Variants in ATP6V0A2 observed in about 807,000 individuals in gnomAD.
The protein encoded by ATP6V0A2 is V-type proton ATPase 116 kDa subunit a 2.
ATP6V0A2 carries 58 observed loss-of-function variants against 104.4 expected under a neutral mutation model. The ratio of observed to expected loss-of-function variants is 0.56; its 90% CI spans 0.45 to 0.69. The LOEUF (loss-of-function observed/expected upper bound fraction) is 0.69, where lower values mean the gene tolerates loss of function less well. Among genes scored for constraint, ATP6V0A2 ranks in the 30% least tolerant of loss-of-function variants. ATP6V0A2 has a pLI of 0.00. For missense variants in ATP6V0A2, 938 were observed against 1,062.9 expected, an observed-to-expected ratio of 0.88 and a Z score of 1.63; for synonymous variants, 376 against 397.9, an observed-to-expected ratio of 0.95 and a Z score of 0.65.
intron 6 of ATP6V0A2, among the ~76,000 whole-genome samples, chr12:123,728,395 CT>C (rs34247373): frequency 8.9e-4 from 111 of 124,476 alleles, no homozygotes; most frequent in African/African-American, 8.1e-4. Context: ...CCTCACCTGG[CT>C]TTTTTTTTTT....
Position 123,743,953 on chromosome 12 carries a change from T to C in ATP6V0A2, c.1189+18T>C, listed in dbSNP as rs1956634877. ...CAATCCAGGTTGGAAGTCTGATTTG[T>C]AAATACCCGTATTTCCAATGGCATT... On this transcript the variant is annotated intron_variant, in intron 10 of 19. Coordinates refer to ENST00000330342, the MANE Select transcript of ATP6V0A2 (RefSeq NM_012463.4). The C allele has an allele frequency of 6.2e-7, 1 of 1,613,836 alleles. No individual in the cohort carries two copies. The highest frequency in any genetic ancestry group is 1.7e-5 in the Admixed American group (1 of 60,026).
At chr12:123,739,259 G>A (rs114395265) in intron 9 of ATP6V0A2, among the ~76,000 whole-genome samples, 297 of 152,304 alleles carry the variant, frequency 2.0e-3, no homozygotes, top group African/African-American at 6.5e-3. Context: ...TTCGTTTCCC[G>A]TCAAGGGTAC....
At chr12:123,729,932 A>C (rs1956484911) in intron 6 of ATP6V0A2, among the ~76,000 whole-genome samples, 1 of 151,740 alleles carries the variant, frequency 6.6e-6, no homozygotes, top group South Asian at 2.1e-4. Context: ...CTCCTGTCTC[A>C]GCCTCCCGAG....
chr12:123,741,848 C>T (rs913746436), intron 9 of ATP6V0A2, among the ~76,000 whole-genome samples: 1 of 152,154 alleles, frequency 6.6e-6, no homozygotes, highest in East Asian at 1.9e-4. Flanking sequence ...GTTTATGGTA[C>T]TCAAGGAACT....
intron 9 of ATP6V0A2, among the ~76,000 whole-genome samples, chr12:123,742,123 G>A (rs111260541): frequency 0.02 from 3,094 of 152,330 alleles, 47 homozygotes; most frequent in African/African-American, 0.034. Flanking sequence ...GGACTGGGCT[G>A]CCCTGCCCCA....
chr12:123,723,933 A>G (rs547529819), intron 3 of ATP6V0A2: 1 of 152,300 alleles, frequency 6.6e-6, no homozygotes, highest in South Asian at 2.1e-4. Context: ...ATGAATAAGC[A>G]GACAAAGGAA....
chr12:123,754,570 G>C, intron 18 of ATP6V0A2, 33 bp downstream of exon 18: 2 of 1,450,038 alleles, frequency 1.4e-6, no homozygotes, highest in Non-Finnish European at 1.9e-6. Context: ...AGTTCCCAAT[G>C]CCCTGTAGTG....
At position 123,744,623 on chromosome 12, in the gene ATP6V0A2, G is replaced by T; in HGVS notation, c.1353G>T (p.Arg451=). The T allele has an allele frequency of 1.2e-6, 2 of 1,613,428 alleles. No individual in the cohort carries two copies. The highest frequency in any genetic ancestry group is 1.7e-6 in the Non-Finnish European group (2 of 1,180,014). The change falls in exon 12 of 20, where the codon CGG becomes CGT. Residue 451 remains arginine, a synonymous_variant. Coordinates refer to ENST00000330342, the MANE Select transcript of ATP6V0A2 (RefSeq NM_012463.4). The surrounding 1 kb of genome is among the most constrained non-coding windows in gnomAD (Gnocchi z 5.4). ...QEIMRMFFNG[R]YILLLMGLFS... ...TCATGAGGATGTTTTTTAATGGCCG[G>T]TACATCCTCCTGCTGATGGGGCTGT...
At chr12:123,752,869 A>G (rs932570148) in intron 17 of ATP6V0A2, among the ~76,000 whole-genome samples, 1 of 151,978 alleles carries the variant, frequency 6.6e-6, no homozygotes, top group African/African-American at 2.4e-5. Flanking sequence ...TTTTCTTTGT[A>G]AGTTTTCTTT....
At chr12:123,728,652 G>GGGTTTC (rs1956470825) in intron 6 of ATP6V0A2, among the ~76,000 whole-genome samples, 1 of 152,194 alleles carries the variant, frequency 6.6e-6, no homozygotes, top group East Asian at 1.9e-4. Flanking sequence ...CTCTGGGTTT[G>GGGTTTC]GGTTTCTCAG....
At chr12:123,735,297 AGGGCAGGAGT>A (rs1956541499) in intron 7 of ATP6V0A2, among the ~76,000 whole-genome samples, 1 of 152,104 alleles carries the variant, frequency 6.6e-6, no homozygotes, top group South Asian at 2.1e-4. Flanking sequence ...GGAATCATTG[AGGGCAGGAGT>A]GGAATTTGGA....
chr12:123,722,194 A>G (rs562248939), intron 2 of ATP6V0A2, among the ~76,000 whole-genome samples, 157 bp from the exon 3 acceptor site: 172 of 152,252 alleles, frequency 1.1e-3, no homozygotes, highest in African/African-American at 3.9e-3. Flanking sequence ...CAAGGTTGCA[A>G]AAAGTGACCA....
chr12:123,717,609 T>C (rs1265449800), intron 1 of ATP6V0A2, among the ~76,000 whole-genome samples: 1 of 151,932 alleles, frequency 6.6e-6, no homozygotes, highest in Non-Finnish European at 1.5e-5. Context: ...CAGGCCTGGC[T>C]AATTTTTTAT....
intron 18 of ATP6V0A2, chr12:123,756,468 A>T (rs1343676974): frequency 1.1e-5 from 3 of 264,860 alleles, no homozygotes; most frequent in Non-Finnish European, 2.2e-5. Flanking sequence ...ACTCATGGTC[A>T]TCCAGTTGAT....
chr12:123,738,036 G>C (rs188240674), intron 9 of ATP6V0A2, among the ~76,000 whole-genome samples: 1 of 152,178 alleles, frequency 6.6e-6, no homozygotes, highest in Admixed American at 6.5e-5. Context: ...TGGAATTACT[G>C]GACTGATTTT....
intron 14 of ATP6V0A2, 57 bp downstream of exon 14, chr12:123,747,782 AT>A: frequency 1.7e-6 from 2 of 1,190,422 alleles, no homozygotes; most frequent in Non-Finnish European, 2.5e-6. Context: ...CATTTCTTCA[AT>A]TTTGCTTCTT....
intron 9 of ATP6V0A2, among the ~76,000 whole-genome samples, chr12:123,738,254 T>C (rs911789241): frequency 1.3e-5 from 2 of 152,150 alleles, no homozygotes; most frequent in African/African-American, 4.8e-5. Context: ...AATACAAAAT[T>C]AGCTGGGCGG....
At chr12:123,751,833 C>A (rs1956717353) in intron 16 of ATP6V0A2, among the ~76,000 whole-genome samples, 1 of 148,680 alleles carries the variant, frequency 6.7e-6, no homozygotes, top group South Asian at 2.2e-4. Flanking sequence ...TTAAGATTTT[C>A]TTTTTTCTTT....
At chr12:123,714,751 A>C (rs763955021) in intron 1 of ATP6V0A2, among the ~76,000 whole-genome samples, 31 of 152,040 alleles carry the variant, frequency 2.0e-4, no homozygotes, top group South Asian at 4.1e-4. Context: ...GGGAAAAAAA[A>C]CCCAAAATTT....
Sources: allele counts gnomAD v4.1 joint callset (sites outside exome capture counted in the v4.1 genomes callset), GRCh38; gene constraint gnomAD v4.1.1; non-coding constraint Gnocchi (gnomAD v3.1); transcripts MANE v1.5; gene names NCBI Gene and HGNC (gene_info 2026-07-23, HGNC 2026-07-21).